CLIP4: variants seen among roughly 807,000 people sequenced by gnomAD.
CLIP4 encodes CAP-Gly domain-containing linker protein 4.
A neutral mutation model predicts 73.1 loss-of-function variants in CLIP4; 47 were observed. That is an observed-to-expected ratio of 0.64 (90% CI 0.51 to 0.82). The LOEUF (loss-of-function observed/expected upper bound fraction) is 0.82. CLIP4 is among the 40% of genes least tolerant of loss of function. CLIP4 has a pLI of 0.00. For missense variants in CLIP4, 874 were observed against 852.9 expected, an observed-to-expected ratio of 1.02 and a Z score of -0.31; for synonymous variants, 306 against 295.4, an observed-to-expected ratio of 1.04 and a Z score of -0.37.
intron 1 of CLIP4, among the ~76,000 whole-genome samples, chr2:29,116,380 C>CT (rs1489904259): frequency 3.9e-5 from 6 of 152,220 alleles, no homozygotes; most frequent in Admixed American, 6.5e-5. Context: ...CAATAACTTG[C>CT]TGTATGTTCT....
intron 15 of CLIP4, among the ~76,000 whole-genome samples, chr2:29,179,036 C>T (rs1668504270): frequency 6.6e-6 from 1 of 152,242 alleles, no homozygotes; most frequent in Non-Finnish European, 1.5e-5. Context: ...CTTAAGTGAT[C>T]TGCCTGCCTC....
intron 4 of CLIP4, among the ~76,000 whole-genome samples, chr2:29,133,018 T>C (rs982134490): frequency 2.6e-5 from 4 of 152,160 alleles, no homozygotes; most frequent in African/African-American, 9.6e-5. Context: ...TGAGACCTTG[T>C]CTCTACAAAA....
intron 1 of CLIP4, among the ~76,000 whole-genome samples, chr2:29,108,028 C>T (rs1572856125): frequency 6.6e-6 from 1 of 150,644 alleles, no homozygotes; most frequent in Admixed American, 6.6e-5. Flanking sequence ...TTATGGAAAA[C>T]ATTTCAAATT....
At chr2:29,098,802 G>A (rs1169174947) in intron 1 of CLIP4, among the ~76,000 whole-genome samples, 1 of 152,300 alleles carries the variant, frequency 6.6e-6, no homozygotes, top group East Asian at 1.9e-4. Context: ...GTTCCACAGA[G>A]GACTTATAAT....
Position 29,181,599 on chromosome 2 carries a change from G to A in CLIP4, c.1824G>A (p.Trp608Ter), listed in dbSNP as rs1668647620. ...SKSKAALRRS[W>*]SSTPTAGGIE... Reference sequence around the variant, plus strand: ...CGAAAGCTGCTTTGCGTCGCAGTTGGAGCAGCACCCCCACCGCAGGTGGCA... The same window carrying A: ...CGAAAGCTGCTTTGCGTCGCAGTTGAAGCAGCACCCCCACCGCAGGTGGCA... The change falls in exon 16 of 16, where the codon TGG becomes TGA. Residue 608 changes from tryptophan (W) to a stop codon, truncating the protein, a stop_gained. Transcript: ENST00000320081. LOFTEE classifies it high-confidence loss of function. The A allele has an allele frequency of 8.7e-6, 14 of 1,611,776 alleles. No homozygotes were observed. Among genetic ancestry groups the A allele is most frequent in the Non-Finnish European group, 1.1e-5 (13 of 1,178,408 alleles).
At position 29,132,132 on chromosome 2, in the gene CLIP4, A is replaced by G. The variant is rs1665015567; in HGVS notation, c.274-20A>G. On this transcript the variant is annotated intron_variant, in intron 3 of 15. Coordinates refer to ENST00000320081, the MANE Select transcript of CLIP4 (RefSeq NM_024692.6). ...ACCTCAGTAGTTAGGTTGTAACCATATTTTCCTTGACTGCTTCAGATTCTT... is the reference window on the plus strand; with the variant it reads ...ACCTCAGTAGTTAGGTTGTAACCATGTTTTCCTTGACTGCTTCAGATTCTT... 12 of 1,598,506 alleles carry G rather than the reference A, an allele frequency of 7.5e-6. No homozygotes were observed. The highest frequency in any genetic ancestry group is 9.4e-6 in the Non-Finnish European group (11 of 1,166,342).
chr2:29,143,846 A>C lies in CLIP4; in HGVS notation c.786A>C (p.Ser262=). The C allele has an allele frequency of 1.9e-6, 3 of 1,614,186 alleles. No homozygotes were observed. The highest frequency in any genetic ancestry group is 2.5e-6 in the Non-Finnish European group (3 of 1,180,016). ...CGGTGCCTCTGTCATGTAACATCTC[A>C]AAGGCCATGCTCCCAAATTATGATC... is the stretch of plus-strand genomic sequence containing the variant. ...LDAVPLSCNI[S]KAMLPNYDHV... Residue 262 remains serine (S), a synonymous_variant, in exon 7 of 16, where the codon TCA becomes TCC. Coordinates refer to ENST00000320081, the MANE Select transcript of CLIP4 (RefSeq NM_024692.6).
Position 29,115,905 on chromosome 2 carries a change from C to T in CLIP4, c.-16+240C>T, listed in dbSNP as rs1663777554. 6.6e-6 allele frequency among the ~76,000 whole-genome samples: 1 copy of T among 151,928 alleles called. No homozygotes were observed. Among genetic ancestry groups the T allele is most frequent in the Non-Finnish European group, 1.5e-5 (1 of 67,890 alleles). On this transcript the variant is annotated intron_variant, in intron 1 of 15. Coordinates refer to ENST00000320081, the MANE Select transcript of CLIP4 (RefSeq NM_024692.6). This position sits in a 1 kb window ranked among gnomAD's most constrained non-coding sequence, Gnocchi z 5.1. ...CGGCGGGGATGGGGACTCCTCGTGG[C>T]GGCCGCTGACGGACGGCCCAACTTT...
intron 14 of CLIP4, 180 bp downstream of exon 14, chr2:29,167,720 G>A (rs191925697): frequency 3.3e-4 from 150 of 460,178 alleles, no homozygotes; most frequent in Non-Finnish European, 1.5e-4. Context: ...AACCTGACCT[G>A]TAGAAACCCC....
intron 10 of CLIP4, 110 bp downstream of exon 10, chr2:29,156,553 A>G (rs1666936868): frequency 1.4e-6 from 1 of 720,090 alleles, no homozygotes; most frequent in Non-Finnish European, 2.3e-6. Context: ...TGGCAAGGGA[A>G]AAATTATAGT....
At chr2:29,160,644 A>G (rs1667226530) in intron 12 of CLIP4, among the ~76,000 whole-genome samples, 177 bp downstream of exon 12, 1 of 152,220 alleles carries the variant, frequency 6.6e-6, no homozygotes, top group African/African-American at 2.4e-5. Context: ...ACTCACGTGG[A>G]TGGTTACCCA....
At chr2:29,128,760 T>C (rs950787871) in intron 2 of CLIP4, among the ~76,000 whole-genome samples, 1 of 152,190 alleles carries the variant, frequency 6.6e-6, no homozygotes, top group African/African-American at 2.4e-5. Flanking sequence ...ATAGCCATTT[T>C]GGTTTTTTTC....
Position 29,156,244 on chromosome 2 carries a change from T to A in CLIP4, c.1166-110T>A, listed in dbSNP as rs954276342. On this transcript the variant is annotated intron_variant, in intron 9 of 15. Transcript: ENST00000320081. ...TCTGTGCAGTTGTTATCCAATATGT[T>A]TTCAGAAGTGAGTGAGATTTCGATA... 30 of 676,466 alleles carry A rather than the reference T, an allele frequency of 4.4e-5. 1 individual carries two copies. In the South Asian group the frequency reaches 6.1e-4, roughly 14 times the overall value. 41.9% of individuals were successfully genotyped at this position (676,466 alleles called of 1,614,324 possible).
intron 6 of CLIP4, 101 bp from the exon 7 acceptor site, chr2:29,143,608 G>T (rs1665936807): frequency 1.3e-6 from 1 of 785,922 alleles, no homozygotes; most frequent in East Asian, 2.5e-5. Flanking sequence ...ATAAACAAAT[G>T]ATGAATGAAT....
intron 12 of CLIP4, 37 bp downstream of exon 12, chr2:29,160,504 T>C (rs1667216992): frequency 1.2e-6 from 2 of 1,603,158 alleles, no homozygotes; most frequent in East Asian, 2.2e-5. Flanking sequence ...TTGAATTCTT[T>C]AGAGTACAAA....
At chr2:29,145,123 TGA>T in intron 7 of CLIP4, 107 bp from the exon 8 acceptor site, 1 of 875,274 alleles carries the variant, frequency 1.1e-6, no homozygotes, top group Non-Finnish European at 1.7e-6. Flanking sequence ...AAATTCACTT[TGA>T]GAGAGTGAAT....
At chr2:29,167,788 A>G in intron 14 of CLIP4, 1 of 334,334 alleles carries the variant, frequency 3.0e-6, no homozygotes, top group Non-Finnish European at 5.4e-6. Context: ...CCTCAGGTGG[A>G]GGAGTCTTGA....
intron 11 of CLIP4, among the ~76,000 whole-genome samples, chr2:29,157,968 T>C (rs995904761): frequency 1.3e-5 from 2 of 152,224 alleles, no homozygotes; most frequent in Non-Finnish European, 2.9e-5. Context: ...ACCAGATTCT[T>C]TTTTTAGTGC....
At chr2:29,105,096 G>C (rs1327031215) in intron 1 of CLIP4, among the ~76,000 whole-genome samples, 2 of 152,134 alleles carry the variant, frequency 1.3e-5, no homozygotes, top group Admixed American at 6.5e-5. Context: ...GGGTGTTATT[G>C]CTAGGCTGCA....
Sources: allele counts gnomAD v4.1 joint callset (sites outside exome capture counted in the v4.1 genomes callset), GRCh38; gene constraint gnomAD v4.1.1; non-coding constraint Gnocchi (gnomAD v3.1); transcripts MANE v1.5; gene names NCBI Gene and HGNC (gene_info 2026-07-23, HGNC 2026-07-21).